CUX1: variants seen among roughly 807,000 people sequenced by gnomAD.
The protein encoded by CUX1 is protein CASP.
A neutral mutation model predicts 158.8 loss-of-function variants in CUX1; 31 were observed. The ratio of observed to expected loss-of-function variants is 0.20; its 90% CI spans 0.15 to 0.26. The LOEUF (loss-of-function observed/expected upper bound fraction) is 0.26. Ranked by LOEUF, CUX1 falls within the 10% of genes least tolerant of loss-of-function variation. The probability of loss-of-function intolerance (pLI) is 1.00; values close to 1 mark genes in which losing one functional copy is unlikely to be tolerated. For synonymous variants in CUX1, 879 were observed against 862.1 expected (o/e 1.02, Z -0.34); for missense variants, 1,589 against 2,014.6 (o/e 0.79, Z 4.04).
intron 8 of CUX1, among the ~76,000 whole-genome samples, chr7:102,130,478 C>T (rs540006806): frequency 2.0e-5 from 3 of 152,022 alleles, no homozygotes; most frequent in African/African-American, 4.8e-5. Context: ...GTCAGGAGTT[C>T]GAGACCAGTC....
rs528375254 is a variant in CUX1 at position 102,252,433 on chromosome 7, C to T, written c.*3391C>T. The T allele has an allele frequency of 6.1e-6, 6 of 985,442 alleles. No homozygotes were observed. In the African/African-American group the frequency reaches 1.0e-4, roughly 17 times the overall value. 61.0% of individuals were successfully genotyped at this position (985,442 alleles called of 1,614,324 possible). A position where few individuals can be genotyped will look rare whatever the true frequency, so the allele number is the denominator to read the frequency against. ...TATGAGTTTAAAAAGCTGATTTGTA[C>T]CTCTCCCCTGGGGGAAACGGTTCCA... On this transcript the variant is annotated 3_prime_UTR_variant, in exon 24 of 24. Coordinates refer to ENST00000292535, the MANE Select transcript of CUX1 (RefSeq NM_181552.4).
chr7:102,143,217 G>C (rs904735455), intron 8 of CUX1, among the ~76,000 whole-genome samples: 1 of 151,602 alleles, frequency 6.6e-6, no homozygotes, highest in African/African-American at 2.4e-5. Context: ...ATGGTACTTG[G>C]GGGGTTCCCT....
chr7:102,134,911 CTT>C (rs1400621120), intron 8 of CUX1, among the ~76,000 whole-genome samples: 38 of 152,152 alleles, frequency 2.5e-4, no homozygotes, highest in African/African-American at 8.7e-4. Context: ...TTATTTTACT[CTT>C]TGTGTGTTTC....
chr7:102,182,772 A>G (rs1438328774), intron 11 of CUX1, among the ~76,000 whole-genome samples: 1 of 152,214 alleles, frequency 6.6e-6, no homozygotes, highest in Non-Finnish European at 1.5e-5. Context: ...GCTTTAATAT[A>G]GAAGCAGTAT....
chr7:101,848,953 G>T lies in CUX1; in HGVS notation c.30+31284G>T, dbSNP rs1394368718. ...ACTGTCTGGAGAGCTTGGGTTCCAT[G>T]AACACAATACAGCTCTTGTTCCACG... On this transcript the variant is annotated intron_variant, in intron 1 of 23. Coordinates refer to ENST00000292535, the MANE Select transcript of CUX1 (RefSeq NM_181552.4). Among the ~76,000 whole-genome samples, 4 of 150,254 alleles carry T rather than the reference G, an allele frequency of 2.7e-5. No individual in the cohort carries two copies. The East Asian group carries it at 7.8e-4, about 29-fold the overall frequency.
intron 20 of CUX1, among the ~76,000 whole-genome samples, chr7:102,222,656 G>A (rs1179262147): frequency 1.3e-5 from 2 of 151,696 alleles, no homozygotes; most frequent in Non-Finnish European, 2.9e-5. Flanking sequence ...TCGATATGTG[G>A]GTTGTAGAAA....
rs556237321 is a variant in CUX1 at position 102,250,062 on chromosome 7, G to GAAAAAAAAAA, written c.*1023_*1032dup. On this transcript the variant is annotated 3_prime_UTR_variant, in exon 24 of 24. Transcript: ENST00000292535. ...TCAGGACAAAAAAAAGAAAAAAAAA[G>GAAAAAAAAAA]AAAAAAAAAAAAGAAAAGATCCGAA... 12 of 551,528 alleles carry GAAAAAAAAAA rather than the reference G, an allele frequency of 2.2e-5. No individual in the cohort carries two copies. Among genetic ancestry groups the GAAAAAAAAAA allele is most frequent in the East Asian group, 3.4e-4 (2 of 5,894 alleles). The allele number at this position is 551,528 out of a possible 1,614,324, so 34.2% of individuals were successfully genotyped here.
chr7:102,050,838 G>A (rs1279925773), intron 3 of CUX1, among the ~76,000 whole-genome samples: 1 of 151,964 alleles, frequency 6.6e-6, no homozygotes, highest in African/African-American at 2.4e-5. Flanking sequence ...GAGTAGCTGG[G>A]ACTATGGGCA....
chr7:102,045,621 C>A (rs78428246), intron 3 of CUX1, among the ~76,000 whole-genome samples: 1 of 151,214 alleles, frequency 6.6e-6, no homozygotes, highest in Admixed American at 6.6e-5. Context: ...CCATGTTGTA[C>A]AAGTCAACAG....
chr7:101,981,928 CTAAT>C (rs1237581347), intron 2 of CUX1, among the ~76,000 whole-genome samples: 3 of 152,120 alleles, frequency 2.0e-5, no homozygotes, highest in Admixed American at 6.5e-5. Flanking sequence ...AGTCTTGACT[CTAAT>C]AAAACCAGGG....
intron 2 of CUX1, among the ~76,000 whole-genome samples, chr7:102,016,072 A>G (rs2129307277): frequency 6.6e-6 from 1 of 152,192 alleles, no homozygotes; most frequent in Non-Finnish European, 1.5e-5. Context: ...TTAGCCTCCC[A>G]AGTAGCTGGG....
At chr7:101,883,680 C>T (rs891586999) in intron 1 of CUX1, among the ~76,000 whole-genome samples, 3 of 151,050 alleles carry the variant, frequency 2.0e-5, no homozygotes, top group Admixed American at 2.0e-4. Context: ...GGCATGATCT[C>T]CCCCTCCCAG....
In CUX1 at chr7:102,255,060, C is replaced by T. The variant is rs1789743658; in HGVS notation, c.*6018C>T. The T allele has an allele frequency of 5.1e-6, 5 of 985,350 alleles. No homozygotes were observed. The South Asian group carries it at 1.9e-4, about 37-fold the overall frequency. 61.0% of individuals were successfully genotyped at this position (985,350 alleles called of 1,614,324 possible). A position where few individuals can be genotyped will look rare whatever the true frequency, so the allele number is the denominator to read the frequency against. The stretch of plus-strand genomic sequence containing the variant: ...TGGGGGGCAGAGCGTAAAACAAGCC[C>T]CAGCCCTACTCCCGGCCCCCCAGCC... On this transcript the variant is annotated 3_prime_UTR_variant, in exon 24 of 24. Transcript: ENST00000292535.
At chr7:101,928,701 C>G (rs1381180145) in intron 2 of CUX1, among the ~76,000 whole-genome samples, 1 of 139,170 alleles carries the variant, frequency 7.2e-6, no homozygotes, top group Non-Finnish European at 1.5e-5. Flanking sequence ...GACGGAGTCT[C>G]GCTCTGTCAC....
intron 20 of CUX1, among the ~76,000 whole-genome samples, chr7:102,218,303 G>A (rs1385654185): frequency 6.6e-6 from 1 of 152,198 alleles, no homozygotes; most frequent in Admixed American, 6.5e-5. Context: ...GAAAGCTCAG[G>A]TCCCATCTTC....
intron 1 of CUX1, among the ~76,000 whole-genome samples, chr7:101,837,526 A>G (rs1794756400): frequency 1.3e-5 from 2 of 152,138 alleles, no homozygotes; most frequent in African/African-American, 2.4e-5. Context: ...TTGTTCTATC[A>G]TGTTAAAGTT....
intron 1 of CUX1, among the ~76,000 whole-genome samples, chr7:101,825,753 CTGTG>C (rs537662700): frequency 0.024 from 3,085 of 129,466 alleles, 64 homozygotes; most frequent in Non-Finnish European, 0.024. Context: ...TTAATGAAAT[CTGTG>C]TGTGTGTGTG....
chr7:102,085,706 A>G (rs1334820758), intron 4 of CUX1, among the ~76,000 whole-genome samples: 1 of 152,204 alleles, frequency 6.6e-6, no homozygotes, highest in Non-Finnish European at 1.5e-5. Flanking sequence ...CTAATACAGA[A>G]ATATACAACT....
chr7:101,988,227 A>G (rs1365401880), intron 2 of CUX1, among the ~76,000 whole-genome samples: 3 of 151,852 alleles, frequency 2.0e-5, no homozygotes, highest in Non-Finnish European at 2.9e-5. Context: ...AAAAAGAAGA[A>G]GAAGCTGTTC....
Sources: gnomAD v4.1 joint callset for allele counts (sites outside exome capture counted in the v4.1 genomes callset) on GRCh38, gnomAD v4.1.1 for gene constraint, MANE v1.5 for transcripts, NCBI Gene and HGNC (gene_info 2026-07-23, HGNC 2026-07-21) for gene names.